ZNF248: variants seen among roughly 807,000 people sequenced by gnomAD.
The protein encoded by ZNF248 is KRAB protein domain.
A neutral mutation model predicts 44.3 loss-of-function variants in ZNF248; 20 were observed. The ratio of observed to expected loss-of-function variants is 0.45; its 90% confidence interval spans 0.32 to 0.66. The LOEUF is 0.66. ZNF248 is among the 30% of genes least tolerant of loss of function. ZNF248 has a pLI of 0.04. For synonymous variants in ZNF248, 224 were observed against 229.0 expected, an observed-to-expected ratio of 0.98 and a Z score of 0.20; for missense variants, 654 against 677.0, an observed-to-expected ratio of 0.97 and a Z score of 0.38.
intron 3 of ZNF248, among the ~76,000 whole-genome samples, chr10:37,849,599 A>G (rs1237665776): frequency 6.6e-6 from 1 of 152,098 alleles, no homozygotes; most frequent in Non-Finnish European, 1.5e-5. Context: ...AGGCAGGAGA[A>G]TGGCGTGAAC....
At chr10:37,799,544 C>T (rs538014061) in intron 6 of ZNF248, among the ~76,000 whole-genome samples, 4 of 152,052 alleles carry the variant, frequency 2.6e-5, no homozygotes, top group South Asian at 2.1e-4. Flanking sequence ...GGTGACAGAG[C>T]GAGACTTTGT....
At chr10:37,817,341 A>T (rs2133536469) in intron 6 of ZNF248, among the ~76,000 whole-genome samples, 1 of 151,088 alleles carries the variant, frequency 6.6e-6, no homozygotes, top group East Asian at 2.0e-4. Flanking sequence ...AAAGACCTAT[A>T]TAATTTTTTT....
intron 3 of ZNF248, among the ~76,000 whole-genome samples, chr10:37,855,427 A>C (rs2061109466): frequency 6.8e-6 from 1 of 147,932 alleles, no homozygotes; most frequent in African/African-American, 2.5e-5. Context: ...TATTAATTCA[A>C]AAGCACTTTA....
At chr10:37,824,104 A>G (rs2053955771), downstream of ZNF248, among the ~76,000 whole-genome samples, 1 of 152,154 alleles carries the variant, frequency 6.6e-6, no homozygotes, top group African/African-American at 2.4e-5. Flanking sequence ...TGAGTTAGCA[A>G]ACTCGGGGCC....
chr10:37,801,142 T>G (rs1036128478), intron 6 of ZNF248, among the ~76,000 whole-genome samples: 1 of 151,874 alleles, frequency 6.6e-6, no homozygotes, highest in Non-Finnish European at 1.5e-5. Flanking sequence ...CTTGGGAGGC[T>G]GAGGCAGGCA....
At chr10:37,783,003 C>T (rs544356556) in intron 6 of ZNF248, among the ~76,000 whole-genome samples, 60 of 152,206 alleles carry the variant, frequency 3.9e-4, no homozygotes, top group African/African-American at 1.3e-3. Context: ...ACCTGGAAGG[C>T]CCTAGCAAAT....
chr10:37,785,238 G>T (rs1046284002), intron 6 of ZNF248, among the ~76,000 whole-genome samples: 4 of 152,144 alleles, frequency 2.6e-5, no homozygotes, highest in Non-Finnish European at 5.9e-5. Flanking sequence ...CTAGGATTCT[G>T]GAGCAAAACT....
chr10:37,784,425 T>G (rs866667042), intron 6 of ZNF248, among the ~76,000 whole-genome samples: 9 of 152,178 alleles, frequency 5.9e-5, no homozygotes, highest in African/African-American at 1.4e-4. Context: ...AGCCACCAAT[T>G]GTAGTTAAGG....
At chr10:37,820,568 C>A (rs1306224521) in intron 6 of ZNF248, 1 of 1,601,302 alleles carries the variant, frequency 6.2e-7, no homozygotes, top group Non-Finnish European at 8.5e-7. Context: ...TGGCCCGCTT[C>A]CCCCAGCAAA....
In ZNF248 at chr10:37,831,701, C is replaced by A. The variant is rs774972023; in HGVS notation, c.1654G>T (p.Ala552Ser). The change falls in exon 6 of 6, where the codon GCA becomes TCA. Residue 552 changes from alanine to serine, a missense_variant. Coordinates refer to ENST00000395867, the MANE Select transcript of ZNF248 (RefSeq NM_021045.3). ...HTGEKPYECN[A>S]CGKTFSQRSV... ...CTCTGACTAAAGGTCTTCCCACATG[C>A]ATTACACTCATACGGCTTCTCCCCT... is the stretch of plus-strand genomic sequence containing the variant. 1.2e-6 allele frequency: 2 copies of A among 1,613,940 alleles called. No homozygotes were observed. Among genetic ancestry groups the A allele is most frequent in the Non-Finnish European group, 1.7e-6 (2 of 1,179,864 alleles).
Position 37,807,645 on chromosome 10 carries a change from T to A in ZNF248, c.330+25380A>T, listed in dbSNP as rs573884991. 5.3e-5 allele frequency among the ~76,000 whole-genome samples: 8 copies of A among 152,332 alleles called. No individual in the cohort carries two copies. In the South Asian group the frequency reaches 1.7e-3, roughly 32 times the overall value. The stretch of plus-strand genomic sequence containing the variant: ...TTCAGTGTACAAGTCTTTTGCCTCC[T>A]TGATGTAGCTTTTTTGATGCTGAAA... On this transcript the variant is annotated intron_variant, in intron 6 of 6. Coordinates refer to the ZNF248 transcript ENST00000615949.
intron 3 of ZNF248, 48 bp from the exon 4 acceptor site, chr10:37,838,159 A>G (rs1242001433): frequency 6.4e-7 from 1 of 1,554,722 alleles, no homozygotes; most frequent in Admixed American, 1.9e-5. Context: ...ACTAGATGAT[A>G]CAGAAAAGAT....
chr10:37,773,897 C>T (rs987173391), downstream of ZNF248, among the ~76,000 whole-genome samples: 4 of 152,098 alleles, frequency 2.6e-5, no homozygotes, highest in Non-Finnish European at 4.4e-5. Context: ...GCAGCATTAA[C>T]GTCTGCCTAG....
rs1285600528 is a variant in ZNF248, at chr10:37,793,901, A to G, written c.331-17326T>C. Among the ~76,000 whole-genome samples, 3 of 152,196 alleles carry G rather than the reference A, an allele frequency of 2.0e-5. No individual in the cohort carries two copies. The East Asian group carries it at 5.8e-4, about 29-fold the overall frequency. ...CTTTTTAATATGTTTTTCCACGTTA[A>G]GATCCCTAAAAATGGATTCTCAGAT... is the stretch of plus-strand genomic sequence containing the variant. On this transcript the variant is annotated intron_variant, in intron 6 of 6. Transcript: ENST00000615949.
the ZNF248 span, among the ~76,000 whole-genome samples, chr10:37,765,121 AT>A: frequency 0.06 from 9,118 of 151,420 alleles, 353 homozygotes; most frequent in Middle Eastern, 0.095. Context: ...TGCCCAGCTA[AT>A]TTTTTTTTAT....
chr10:37,823,234 T>C (rs1237229887), intron 6 of ZNF248, among the ~76,000 whole-genome samples: 1 of 144,948 alleles, frequency 6.9e-6, no homozygotes, highest in African/African-American at 2.6e-5. Context: ...CTCGGGAGGC[T>C]GAGGCAGAAG....
At chr10:37,804,380 A>G (rs1415378953) in intron 6 of ZNF248, among the ~76,000 whole-genome samples, 1 of 151,936 alleles carries the variant, frequency 6.6e-6, no homozygotes, top group Non-Finnish European at 1.5e-5. Context: ...ATAGTTATAT[A>G]TTATTAAAAT....
chr10:37,830,052 C>A lies in ZNF248; in HGVS notation c.*1563G>T. ...AAAAGAAACAACAGGACAAGGGAGG[C>A]AGAGATACTCTAAAATACTAATACG... On this transcript the variant is annotated 3_prime_UTR_variant, in exon 6 of 6. Coordinates refer to ENST00000395867, the MANE Select transcript of ZNF248 (RefSeq NM_021045.3). 5 of 985,362 alleles carry A rather than the reference C, an allele frequency of 5.1e-6. No homozygotes were observed. Among genetic ancestry groups the A allele is most frequent in the Non-Finnish European group, 6.0e-6 (5 of 829,934 alleles). The allele number at this position is 985,362 out of a possible 1,614,324, so 61.0% of individuals were successfully genotyped here. A position where few individuals can be genotyped will look rare whatever the true frequency, so the allele number is the denominator to read the frequency against.
At chr10:37,826,081 G>A (rs779435789), downstream of ZNF248, among the ~76,000 whole-genome samples, 6 of 152,260 alleles carry the variant, frequency 3.9e-5, no homozygotes, top group Admixed American at 1.3e-4. Flanking sequence ...TTAAGTAGTC[G>A]TAAAAATGAT....
Sources: gnomAD v4.1 joint callset for allele counts (sites outside exome capture counted in the v4.1 genomes callset) on GRCh38, gnomAD v4.1.1 for gene constraint, MANE v1.5 for transcripts, NCBI Gene and HGNC (gene_info 2026-07-23, HGNC 2026-07-21) for gene names.